Variants in MYH14 observed in about 807,000 individuals in gnomAD.
MYH14 encodes myosin heavy chain 14, also known as myosin-14.
MYH14 carries 123 observed loss-of-function variants against 255.5 expected under a neutral mutation model. The observed-to-expected ratio is 0.48, with a 90% CI of 0.42 to 0.56. The LOEUF (loss-of-function observed/expected upper bound fraction) is 0.56. MYH14 is among the 20% of genes least tolerant of loss of function. The pLI is 0.00. For missense variants in MYH14, 2,423 were observed against 2,802.3 expected (o/e 0.86, Z 3.06); for synonymous variants, 1,095 against 1,161.2 (o/e 0.94, Z 1.16).
At chr19:50,304,315 C>T (rs1034402714) in intron 40 of MYH14, among the ~76,000 whole-genome samples, 3 of 152,192 alleles carry the variant, frequency 2.0e-5, no homozygotes, top group African/African-American at 7.2e-5. Flanking sequence ...TGGGGCCAGG[C>T]ATGGTGGCTC....
intron 1 of MYH14, among the ~76,000 whole-genome samples, chr19:50,209,313 C>T (rs80070963): frequency 0.016 from 2,419 of 152,158 alleles, 53 homozygotes; most frequent in African/African-American, 0.052. Flanking sequence ...TGGAGGCAGG[C>T]GTCTTCTTCC....
intron 16 of MYH14, among the ~76,000 whole-genome samples, chr19:50,253,927 A>C (rs2123322774): frequency 6.6e-6 from 1 of 152,330 alleles, no homozygotes; most frequent in East Asian, 1.9e-4. Flanking sequence ...GCAAGAAAAC[A>C]AAATGAGCGG....
intron 11 of MYH14, among the ~76,000 whole-genome samples, chr19:50,245,099 G>A (rs73061123): frequency 0.019 from 2,876 of 152,134 alleles, 38 homozygotes; most frequent in Middle Eastern, 0.034. Context: ...AAGCTGGAAG[G>A]GGGAAAAATC....
Position 50,309,780 on chromosome 19 carries a change from A to T in MYH14, c.6101A>T (p.His2034Leu). The change falls in exon 43 of 43, where the codon CAC (histidine) becomes CTC (leucine). Residue 2034 changes from histidine (H) to leucine (L), a missense_variant. His to Leu is a moderately conservative substitution (Grantham distance 99, BLOSUM62 -3). Around this residue, in one of 3 missense-constraint regions of MYH14, gnomAD observed 1,513 missense variants for 1,674.8 expected, o/e 0.90. Coordinates refer to ENST00000642316, the MANE Select transcript of MYH14 (RefSeq NM_001145809.2). Reference sequence around the variant, plus strand: ...GAGCCTGAGGGGTCCCCACCAGCCCACCCCCAGTGACCCTACCCTGTCCCC... The same window carrying T: ...GAGCCTGAGGGGTCCCCACCAGCCCTCCCCCAGTGACCCTACCCTGTCCCC... ...SPEPEGSPPA[H>L]PQ 1 of 919,104 alleles carries T rather than the reference A, an allele frequency of 1.1e-6. No individual in the cohort carries two copies. The highest frequency in any genetic ancestry group is 1.6e-6 in the Non-Finnish European group (1 of 629,840). The allele number at this position is 919,104 out of a possible 1,614,324, so 56.9% of individuals were successfully genotyped here. A position where few individuals can be genotyped will look rare whatever the true frequency, so the allele number is the denominator to read the frequency against.
chr19:50,255,253 G>T lies in MYH14; in HGVS notation c.1979G>T (p.Gly660Val). Residue 660 changes from glycine to valine, a missense_variant, in exon 17 of 43, where the codon GGC becomes GTC. Around this residue, in one of 3 missense-constraint regions of MYH14, gnomAD observed 672 missense variants for 881.8 expected, o/e 0.76. Coordinates refer to ENST00000642316, the MANE Select transcript of MYH14 (RefSeq NM_001145809.2). ...HGGFQQFSFL[G>V]SFPPSPPGSA... ...GGCTTCCAGCAGTTCTCTTTCCTTG[G>T]CTCCTTCCCACCGTCGCCCCCAGGA... is the stretch of plus-strand genomic sequence containing the variant. The T allele has an allele frequency of 6.4e-7, 1 of 1,551,344 alleles. No individual in the cohort carries two copies.
intron 35 of MYH14, 149 bp downstream of exon 35, chr19:50,289,797 C>T: frequency 1.4e-6 from 1 of 702,062 alleles, no homozygotes; most frequent in Non-Finnish European, 2.4e-6. Flanking sequence ...CTCCCCAACC[C>T]TTCCACTGCT....
chr19:50,207,359 A>G (rs1259619525), intron 1 of MYH14, among the ~76,000 whole-genome samples: 3 of 149,774 alleles, frequency 2.0e-5, no homozygotes, highest in Non-Finnish European at 4.4e-5. Flanking sequence ...GCAGCAGGAT[A>G]GGGAGAATAT....
At chr19:50,244,112 A>C in intron 10 of MYH14, 130 bp from the exon 11 acceptor site, 1 of 734,658 alleles carries the variant, frequency 1.4e-6, no homozygotes, top group East Asian at 2.7e-5. Flanking sequence ...CCCATCCCAC[A>C]AGTAGATTTT....
At chr19:50,232,307 T>C (rs1368809954) in intron 10 of MYH14, among the ~76,000 whole-genome samples, 1 of 152,046 alleles carries the variant, frequency 6.6e-6, no homozygotes, top group African/African-American at 2.4e-5. Context: ...AGACTATGAG[T>C]GCAGCTGGGC....
At chr19:50,272,484 G>T (rs1306796940) in intron 26 of MYH14, 76 bp from the exon 27 acceptor site, 1 of 1,462,110 alleles carries the variant, frequency 6.8e-7, no homozygotes, top group Non-Finnish European at 9.4e-7. Flanking sequence ...TGTGACTGGG[G>T]ACCTGTGGTC....
intron 39 of MYH14, among the ~76,000 whole-genome samples, chr19:50,296,691 A>C (rs2036277164): frequency 6.6e-6 from 1 of 152,248 alleles, no homozygotes; most frequent in Non-Finnish European, 1.5e-5. Context: ...GGCAATGAAC[A>C]AGAGTAACCC....
In MYH14 at chr19:50,301,719, G is replaced by C; in HGVS notation, c.5528G>C (p.Ser1843Thr). ...AERSFSAKAE[S>T]GRQQLERQIQ... is the part of the protein sequence containing the mutation. ...CGCAGTTTCTCAGCCAAGGCAGAGA[G>C]CGGGCGGCAGCAGCTGGAACGGCAG... The change falls in exon 40 of 43, where the codon AGC becomes ACC. Residue 1843 changes from serine to threonine, a missense_variant. This residue lies in a region of MYH14 where 1,513 missense variants were observed against 1,674.8 expected (regional missense o/e 0.90). Coordinates refer to ENST00000642316, the MANE Select transcript of MYH14 (RefSeq NM_001145809.2). The C allele has an allele frequency of 6.2e-7, 1 of 1,613,928 alleles. No individual in the cohort carries two copies. Among genetic ancestry groups the C allele is most frequent in the Non-Finnish European group, 8.5e-7 (1 of 1,179,828 alleles).
In MYH14 at chr19:50,276,773, G is replaced by C. The variant is rs1358265674; in HGVS notation, c.3697G>C (p.Glu1233Gln). 1 of 1,613,496 alleles carries C rather than the reference G, an allele frequency of 6.2e-7. No individual in the cohort carries two copies. ...QQELRSKREQ[E>Q]VTELKKTLEE... ...CCAATAAAGGTCCAAGAGGGAACAG[G>C]AGGTGACGGAGCTGAAGAAGACTCT... Residue 1233 changes from glutamate to glutamine, a missense_variant, in exon 29 of 43, where the codon GAG (glutamate) becomes CAG (glutamine). Physicochemically the swap from Glu to Gln is conservative, Grantham distance 29. This residue lies in a region of MYH14 where 1,513 missense variants were observed against 1,674.8 expected (regional missense o/e 0.90). Transcript: ENST00000642316. This position sits in a 1 kb window ranked among gnomAD's most constrained non-coding sequence, Gnocchi z 4.3.
intron 3 of MYH14, among the ~76,000 whole-genome samples, chr19:50,222,567 G>A (rs559565389): frequency 6.6e-6 from 1 of 151,696 alleles, no homozygotes; most frequent in Non-Finnish European, 1.5e-5. Context: ...TTGATTGTAG[G>A]TTTCTGTCCC....
At position 50,310,098 on chromosome 19, in the gene MYH14, G is replaced by C; in HGVS notation, c.*308G>C. 1 of 476,482 alleles carries C rather than the reference G, an allele frequency of 2.1e-6. No homozygotes were observed. The highest frequency in any genetic ancestry group is 4.1e-5 in the East Asian group (1 of 24,646). The allele number at this position is 476,482 out of a possible 1,614,324, so 29.5% of individuals were successfully genotyped here. A position where few individuals can be genotyped will look rare whatever the true frequency, so the allele number is the denominator to read the frequency against. On this transcript the variant is annotated 3_prime_UTR_variant, in exon 43 of 43. Coordinates refer to ENST00000642316, the MANE Select transcript of MYH14 (RefSeq NM_001145809.2). The stretch of plus-strand genomic sequence containing the variant: ...TGTCCTCCTTTCTTCCCTCGTTATT[G>C]ATCTATAGACATTAGGAAGGGAGTG...
Position 50,292,318 on chromosome 19 carries a change from ATCT to A in MYH14, c.5189_5191del (p.Phe1730del), listed in dbSNP as rs1483633597. On this transcript the variant is annotated inframe_deletion, in exon 37 of 43. Coordinates refer to ENST00000642316, the MANE Select transcript of MYH14 (RefSeq NM_001145809.2). ...GGAGACACGCACCTCCCGGGAGGAG[ATCT>A]TCTCCCAGAATCGGGAAAGTGAAAA... 2.5e-6 allele frequency: 4 copies of A among 1,598,072 alleles called. No individual in the cohort carries two copies. The highest frequency in any genetic ancestry group is 1.7e-4 in the Middle Eastern group (1 of 6,060).
chr19:50,271,257 A>G (rs2035288718), intron 24 of MYH14, among the ~76,000 whole-genome samples, 152 bp from the exon 25 acceptor site: 1 of 152,164 alleles, frequency 6.6e-6, no homozygotes. Flanking sequence ...AGCCAATAAG[A>G]GTTTGATCCT....
chr19:50,250,804 A>T lies in MYH14; in HGVS notation c.1830+116A>T. On this transcript the variant is annotated intron_variant, in intron 15 of 42. Transcript: ENST00000642316. This position sits in a 1 kb window ranked among gnomAD's most constrained non-coding sequence, Gnocchi z 5.4. ...CAGGGTCCTCCTGAGGTCCAGACAA[A>T]CAGAGCAGGGGCTAGGAGAGCCCAG... is the stretch of plus-strand genomic sequence containing the variant. 2 of 1,106,404 alleles carry T rather than the reference A, an allele frequency of 1.8e-6. No individual in the cohort carries two copies. Among genetic ancestry groups the T allele is most frequent in the South Asian group, 3.1e-5 (2 of 64,422 alleles). 68.5% of individuals were successfully genotyped at this position (1,106,404 alleles called of 1,614,324 possible).
Position 50,260,846 on chromosome 19 carries a change from C to T in MYH14, c.2424+131C>T, listed in dbSNP as rs575699910. ...AAGTGTGTGTGCATGCACGTGTGTG[C>T]GTGTGTGTGTGCATGCATATGTGTG... On this transcript the variant is annotated intron_variant, in intron 20 of 42. Transcript: ENST00000642316. The T allele has an allele frequency of 9.7e-4, 678 of 696,912 alleles. 10 individuals carry two copies. In the African/African-American group the frequency reaches 9.9e-3, roughly 10 times the overall value. The allele number at this position is 696,912 out of a possible 1,614,324, so 43.2% of individuals were successfully genotyped here. A position where few individuals can be genotyped will look rare whatever the true frequency, so the allele number is the denominator to read the frequency against.
Sources: allele counts gnomAD v4.1 joint callset (sites outside exome capture counted in the v4.1 genomes callset), GRCh38; gene constraint gnomAD v4.1.1; regional missense constraint gnomAD v4.1.1; non-coding constraint Gnocchi (gnomAD v3.1); transcripts MANE v1.5; gene names NCBI Gene and HGNC (gene_info 2026-07-23, HGNC 2026-07-21).